WDR75: variants seen among roughly 807,000 people sequenced by gnomAD.
WDR75 encodes WD repeat domain 75, also known as WD repeat-containing protein 75.
In WDR75, 52 loss-of-function variants were observed where a neutral mutation model predicts 106.1. The observed-to-expected ratio is 0.49, with a 90% CI of 0.39 to 0.62. The LOEUF (loss-of-function observed/expected upper bound fraction) is 0.62, where lower values mean the gene tolerates loss of function less well. WDR75 is among the 20% of genes least tolerant of loss of function. WDR75 has a pLI of 0.00. For synonymous variants in WDR75, 333 were observed against 335.5 expected (o/e 0.99, Z 0.08); for missense variants, 905 against 970.3 (o/e 0.93, Z 0.89).
chr2:189,463,587 G>A, intron 9 of WDR75, 107 bp from the exon 10 acceptor site: 1 of 891,622 alleles, frequency 1.1e-6, no homozygotes, highest in Non-Finnish European at 1.8e-6. Context: ...TTTTCAGAAA[G>A]TTTATGAATT....
chr2:189,474,150 T>TC, intron 18 of WDR75, 36 bp from the exon 19 acceptor site: 1 of 1,586,796 alleles, frequency 6.3e-7, no homozygotes, highest in East Asian at 2.2e-5. Flanking sequence ...CTTCCTTTTT[T>TC]CTGAAATAAT....
At position 189,466,536 on chromosome 2, in the gene WDR75, T is replaced by C. The variant is rs2289223; in HGVS notation, c.1401T>C (p.Asp467=). 39,612 of 1,613,124 alleles carry C rather than the reference T, an allele frequency of 0.025. 794 individuals carry two copies. The highest frequency in any genetic ancestry group is 0.073 in the East Asian group (3,266 of 44,842). The change falls in exon 13 of 21, where the codon GAT becomes GAC. Residue 467 remains aspartate, a synonymous_variant. Transcript: ENST00000314761. ...EQPTLVTASK[D]GYFKVWILTD... ...CCACCTTGGTTACAGCTAGCAAAGA[T>C]GGTTACTTCAAAGTATGGATATTAA...
intron 6 of WDR75, 107 bp from the exon 7 acceptor site, chr2:189,458,646 C>G: frequency 1.1e-6 from 1 of 899,984 alleles, no homozygotes; most frequent in Non-Finnish European, 1.5e-6. Flanking sequence ...GAATTCTGAG[C>G]TCTACAATTT....
At chr2:189,463,223 C>CTT (rs147693906) in intron 9 of WDR75, among the ~76,000 whole-genome samples, 9,848 of 152,208 alleles carry the variant, frequency 0.065, 487 homozygotes, top group African/African-American at 0.14. Flanking sequence ...TAGATATACT[C>CTT]TATAGATTTT....
intron 8 of WDR75, among the ~76,000 whole-genome samples, chr2:189,462,141 T>G (rs1686902156): frequency 1.3e-5 from 2 of 151,886 alleles, no homozygotes; most frequent in Non-Finnish European, 2.9e-5. Flanking sequence ...GAAATCGGCT[T>G]TTTTTTATAT....
Position 189,467,653 on chromosome 2 carries a change from G to A in WDR75, c.1628+5G>A. Reference sequence around the variant, plus strand: ...CCAACGAGCTGGGAAAATAAGGTAGGTAAATCTTCGGGAAGTATGTAGTAC... The same window carrying A: ...CCAACGAGCTGGGAAAATAAGGTAGATAAATCTTCGGGAAGTATGTAGTAC... On this transcript the variant is annotated splice_donor_5th_base_variant and intron_variant, in intron 14 of 20. Coordinates refer to ENST00000314761, the MANE Select transcript of WDR75 (RefSeq NM_032168.3). 1.3e-6 allele frequency: 2 copies of A among 1,588,002 alleles called. No individual in the cohort carries two copies. Among genetic ancestry groups the A allele is most frequent in the Non-Finnish European group, 1.7e-6 (2 of 1,167,556 alleles).
In WDR75 at chr2:189,451,891, A is replaced by G. The variant is rs779724775; in HGVS notation, c.369A>G (p.Lys123=). 3.1e-6 allele frequency: 5 copies of G among 1,611,044 alleles called. No individual in the cohort carries two copies. In the South Asian group the frequency reaches 5.5e-5, roughly 18 times the overall value. The part of the protein sequence containing the change: ...DSVFVIVNKE[K]PDIFQLVSVK... ...TCTTTGTTATAGTGAATAAAGAAAA[A>G]CCAGGTATGGTATAATTAACTTACT... Residue 123 remains lysine, a synonymous_variant, in exon 4 of 21, where the codon AAA becomes AAG. Coordinates refer to ENST00000314761, the MANE Select transcript of WDR75 (RefSeq NM_032168.3).
At chr2:189,469,630 T>C (rs921731402) in intron 16 of WDR75, among the ~76,000 whole-genome samples, 191 bp downstream of exon 16, 3 of 152,158 alleles carry the variant, frequency 2.0e-5, no homozygotes, top group African/African-American at 7.2e-5. Flanking sequence ...AGCTCCAATA[T>C]GTTTCTTATT....
At chr2:189,464,643 C>A (rs1686964429) in intron 11 of WDR75, among the ~76,000 whole-genome samples, 1 of 151,984 alleles carries the variant, frequency 6.6e-6, no homozygotes, top group African/African-American at 2.4e-5. Flanking sequence ...TAAATAAATG[C>A]TGGCCTACTT....
At chr2:189,449,840 CT>C in intron 2 of WDR75, 2 of 984,914 alleles carry the variant, frequency 2.0e-6, no homozygotes, top group Non-Finnish European at 2.4e-6. Flanking sequence ...TTACATTCCT[CT>C]TCTCTGAGTC....
At chr2:189,464,301 G>A (rs976918474) in intron 11 of WDR75, 19 of 228,788 alleles carry the variant, frequency 8.3e-5, no homozygotes, top group Non-Finnish European at 1.4e-4. Flanking sequence ...TATCTGCTTC[G>A]TGGTGAAACA....
chr2:189,473,710 T>C (rs1278129257), intron 18 of WDR75, among the ~76,000 whole-genome samples: 1 of 152,184 alleles, frequency 6.6e-6, no homozygotes, highest in Admixed American at 6.5e-5. Context: ...GTTACTATTA[T>C]TACCAACTCC....
chr2:189,471,010 GAT>G, intron 18 of WDR75, 132 bp downstream of exon 18: 1 of 457,220 alleles, frequency 2.2e-6, no homozygotes, highest in Non-Finnish European at 3.6e-6. Flanking sequence ...CTTATAAACT[GAT>G]ATGTGTCTCT....
intron 15 of WDR75, 94 bp downstream of exon 15, chr2:189,468,663 G>A (rs887440572): frequency 2.4e-6 from 3 of 1,267,788 alleles, no homozygotes; most frequent in South Asian, 1.3e-5. Context: ...CATATCATCA[G>A]GTCTGTACTT....
chr2:189,456,979 C>A (rs1686750416), intron 5 of WDR75, among the ~76,000 whole-genome samples: 1 of 152,156 alleles, frequency 6.6e-6, no homozygotes, highest in African/African-American at 2.4e-5. Flanking sequence ...CAGTGGCTCA[C>A]TCCTGTAATC....
In WDR75 at chr2:189,441,515, G is replaced by C. The variant is rs770817824; in HGVS notation, c.23G>C (p.Arg8Pro). MVEEENI[R>P]VVRCGGSELN... ...AAGATGGTGGAGGAGGAGAACATCC[G>C]CGTGGTTCGTTGTGGCGGCAGCGAG... Residue 8 changes from arginine to proline, a missense_variant, in exon 1 of 21, where the codon CGC (arginine) becomes CCC (proline). Coordinates refer to ENST00000314761, the MANE Select transcript of WDR75 (RefSeq NM_032168.3). 3.2e-6 allele frequency: 5 copies of C among 1,566,388 alleles called. No individual in the cohort carries two copies. The highest frequency in any genetic ancestry group is 1.9e-5 in the Admixed American group (1 of 53,208).
At position 189,458,814 on chromosome 2, in the gene WDR75, T is replaced by C. The variant is rs778878910; in HGVS notation, c.631T>C (p.Cys211Arg). The stretch of plus-strand genomic sequence containing the variant: ...TAAAAACAATTTTACATGTGTAGCA[T>C]GTCACCCAACGGAAGACTGCATCGC... The part of the protein sequence containing the change: ...HAKNNFTCVA[C>R]HPTEDCIASG... The change falls in exon 7 of 21, where the codon TGT (cysteine) becomes CGT (arginine). Residue 211 changes from cysteine (C) to arginine (R), a missense_variant. Coordinates refer to ENST00000314761, the MANE Select transcript of WDR75 (RefSeq NM_032168.3). 6.2e-7 allele frequency: 1 copy of C among 1,609,960 alleles called. No individual in the cohort carries two copies.
intron 2 of WDR75, chr2:189,449,583 T>C: frequency 9.6e-7 from 1 of 1,042,796 alleles, no homozygotes; most frequent in Non-Finnish European, 1.2e-6. Flanking sequence ...TTCGGATGAC[T>C]GAAAGTGAGT....
In WDR75 at chr2:189,457,331, A is replaced by G. The variant is rs372032043; in HGVS notation, c.519A>G (p.Val173=). Residue 173 remains valine, a synonymous_variant, in exon 6 of 21, where the codon GTA becomes GTG. Transcript: ENST00000314761. ...ACTAGGGAGTATATGTTGCTGCAGT[A>G]CGGGAATTTTACTTGTCTGTTTATT... ...FGNEGVYVAA[V]REFYLSVYFF... 5 of 1,604,974 alleles carry G rather than the reference A, an allele frequency of 3.1e-6. No homozygotes were observed. The highest frequency in any genetic ancestry group is 4.3e-6 in the Non-Finnish European group (5 of 1,172,798).
Sources: gnomAD v4.1 joint callset for allele counts (sites outside exome capture counted in the v4.1 genomes callset) on GRCh38, gnomAD v4.1.1 for gene constraint, MANE v1.5 for transcripts, NCBI Gene and HGNC (gene_info 2026-07-23, HGNC 2026-07-21) for gene names.